Variants in CPQ observed in about 807,000 individuals in gnomAD.
CPQ encodes the protein Ser-Met dipeptidase.
Under a neutral mutation model 45.7 loss-of-function variants are expected in CPQ, and 37 were observed. That is an observed-to-expected ratio of 0.81 (90% CI 0.62 to 1.07). The LOEUF (loss-of-function observed/expected upper bound fraction) is 1.07, where lower values mean the gene tolerates loss of function less well. Ranked by LOEUF, CPQ falls within the 50% of genes least tolerant of loss-of-function variation. The pLI is 0.00. For synonymous variants in CPQ, 186 were observed against 205.8 expected (o/e 0.90, Z 0.82); for missense variants, 537 against 572.9 (o/e 0.94, Z 0.64).
At chr8:96,848,776 CAATG>C (rs1456163534) in intron 3 of CPQ, among the ~76,000 whole-genome samples, 3 of 152,152 alleles carry the variant, frequency 2.0e-5, no homozygotes, top group Non-Finnish European at 4.4e-5. Flanking sequence ...TGTATAGTGA[CAATG>C]AATGAACATC....
chr8:97,059,088 C>T (rs971088538), intron 6 of CPQ, among the ~76,000 whole-genome samples: 1 of 152,028 alleles, frequency 6.6e-6, no homozygotes, highest in Admixed American at 6.6e-5. Flanking sequence ...GAGTTATCCA[C>T]GGACCTTAAC....
chr8:96,796,668 G>C (rs1810933856), intron 2 of CPQ, among the ~76,000 whole-genome samples: 1 of 152,158 alleles, frequency 6.6e-6, no homozygotes, highest in Non-Finnish European at 1.5e-5. Flanking sequence ...ATTATTCGAA[G>C]ATTGGTGAAT....
chr8:96,916,491 A>T (rs1000289223), intron 4 of CPQ, among the ~76,000 whole-genome samples: 16 of 152,182 alleles, frequency 1.1e-4, no homozygotes, highest in Admixed American at 2.0e-4. Flanking sequence ...ATGATTTTTT[A>T]AAAATTTTAG....
At chr8:96,973,489 T>C (rs1162101304) in intron 5 of CPQ, among the ~76,000 whole-genome samples, 1 of 152,156 alleles carries the variant, frequency 6.6e-6, no homozygotes, top group Non-Finnish European at 1.5e-5. Flanking sequence ...CCTAGAGATC[T>C]AGACATCCAA....
intron 7 of CPQ, among the ~76,000 whole-genome samples, chr8:97,124,221 G>A (rs1194970103): frequency 2.1e-4 from 14 of 67,948 alleles, no homozygotes; most frequent in African/African-American, 3.4e-4. Context: ...GCAAGACTCC[G>A]TCTCAAAAAA....
chr8:96,814,347 A>C (rs1031918361), intron 2 of CPQ, among the ~76,000 whole-genome samples: 1 of 152,114 alleles, frequency 6.6e-6, no homozygotes, highest in African/African-American at 2.4e-5. Context: ...TTTTGGAAAG[A>C]ACATATTTTT....
In CPQ at chr8:96,785,107, G is replaced by A; in HGVS notation, c.210G>A (p.Leu70=). Residue 70 remains leucine, a synonymous_variant, in exon 2 of 8, where the codon CTG becomes CTA. Coordinates refer to ENST00000220763, the MANE Select transcript of CPQ (RefSeq NM_016134.4). The part of the protein sequence containing the change: ...QNRSYERLAL[L]VDTVGPRLSG... ...GATCCTATGAGCGATTGGCACTTCTGGTTGATACTGTTGGACCCAGACTGA... is the reference window on the plus strand; with the variant it reads ...GATCCTATGAGCGATTGGCACTTCTAGTTGATACTGTTGGACCCAGACTGA... 6.2e-7 allele frequency: 1 copy of A among 1,613,682 alleles called. No homozygotes were observed. The highest frequency in any genetic ancestry group is 2.2e-5 in the East Asian group (1 of 44,798).
At chr8:96,756,248 T>C (rs570929786) in intron 1 of CPQ, among the ~76,000 whole-genome samples, 1 of 152,120 alleles carries the variant, frequency 6.6e-6, no homozygotes, top group Admixed American at 6.6e-5. Context: ...AGCTTCAACT[T>C]CTTGATTCAT....
At chr8:96,779,020 G>T (rs1042094559) in intron 1 of CPQ, among the ~76,000 whole-genome samples, 12 of 148,282 alleles carry the variant, frequency 8.1e-5, no homozygotes, top group Admixed American at 1.4e-4. Flanking sequence ...AGCTGAGATT[G>T]TGCCATTGCA....
At chr8:96,939,661 T>C (rs1359401616) in intron 4 of CPQ, among the ~76,000 whole-genome samples, 2 of 152,212 alleles carry the variant, frequency 1.3e-5, no homozygotes, top group Non-Finnish European at 2.9e-5. Flanking sequence ...TTTATTTTCA[T>C]AGCTTATAAC....
chr8:97,095,064 T>G (rs1347242878), intron 7 of CPQ, among the ~76,000 whole-genome samples: 1 of 152,178 alleles, frequency 6.6e-6, no homozygotes, highest in Admixed American at 6.6e-5. Context: ...CCTTTTTCGC[T>G]TCCCTTCCTT....
intron 7 of CPQ, among the ~76,000 whole-genome samples, chr8:97,141,136 A>G (rs922938055): frequency 6.6e-6 from 1 of 151,972 alleles, no homozygotes; most frequent in African/African-American, 2.4e-5. Context: ...AGGGTAAGGA[A>G]GGACTTCTTA....
At chr8:97,018,482 C>CA (rs58255347) in intron 5 of CPQ, among the ~76,000 whole-genome samples, 16 of 151,816 alleles carry the variant, frequency 1.1e-4, no homozygotes, top group East Asian at 1.9e-4. Flanking sequence ...TAAGGAAATC[C>CA]AAAAAAATGA....
intron 6 of CPQ, among the ~76,000 whole-genome samples, chr8:97,057,690 C>T (rs922273785): frequency 2.0e-5 from 3 of 152,296 alleles, no homozygotes; most frequent in South Asian, 2.1e-4. Context: ...GATCCACACA[C>T]GTGATTCCTG....
At chr8:96,886,103 C>T (rs1417080965) in intron 4 of CPQ, among the ~76,000 whole-genome samples, 2 of 152,186 alleles carry the variant, frequency 1.3e-5, no homozygotes, top group Non-Finnish European at 2.9e-5. Context: ...CACATTCTGG[C>T]TCCTCTAAGC....
chr8:96,717,086 T>G (rs551503727), intron 1 of CPQ, among the ~76,000 whole-genome samples: 1 of 121,906 alleles, frequency 8.2e-6, no homozygotes, highest in Non-Finnish European at 1.7e-5. Context: ...TACGTATATA[T>G]ACACACACAC....
At chr8:97,120,888 G>T (rs1424538069) in intron 7 of CPQ, among the ~76,000 whole-genome samples, 1 of 152,120 alleles carries the variant, frequency 6.6e-6, no homozygotes, top group Non-Finnish European at 1.5e-5. Flanking sequence ...TAATGATACT[G>T]ACAATAGCTA....
chr8:96,720,524 A>C (rs1159012284), intron 1 of CPQ, among the ~76,000 whole-genome samples: 2 of 152,200 alleles, frequency 1.3e-5, no homozygotes, highest in Non-Finnish European at 2.9e-5. Context: ...GGTGCTGCCT[A>C]AGCCCCTATA....
At chr8:96,810,177 AT>A (rs1811143876) in intron 2 of CPQ, among the ~76,000 whole-genome samples, 1 of 152,136 alleles carries the variant, frequency 6.6e-6, no homozygotes. Context: ...ATTGGGGCTC[AT>A]TTGGGTATCC....
Sources: allele counts gnomAD v4.1 joint callset (sites outside exome capture counted in the v4.1 genomes callset), GRCh38; gene constraint gnomAD v4.1.1; transcripts MANE v1.5; gene names NCBI Gene and HGNC (gene_info 2026-07-23, HGNC 2026-07-21).